OPRM1: variants seen among roughly 807,000 people sequenced by gnomAD.
OPRM1 encodes the protein opioid receptor mu 1.
In OPRM1, 27 loss-of-function variants were observed where a neutral mutation model predicts 31.8. That is an observed-to-expected ratio of 0.85 (90% CI 0.63 to 1.17). The LOEUF (loss-of-function observed/expected upper bound fraction) is 1.17, where lower values mean the gene tolerates loss of function less well. Among genes scored for constraint, OPRM1 ranks in the 50% most tolerant of loss-of-function variants. The pLI, the probability that OPRM1 is intolerant of heterozygous loss-of-function variation, is 0.00. For missense variants in OPRM1, 536 were observed against 511.1 expected, an observed-to-expected ratio of 1.05 and a Z score of -0.47; for synonymous variants, 196 against 189.9, an observed-to-expected ratio of 1.03 and a Z score of -0.26.
intron 3 of OPRM1, chr6:154,110,366 A>G: frequency 6.8e-7 from 1 of 1,462,656 alleles, no homozygotes; most frequent in Non-Finnish European, 9.4e-7. Flanking sequence ...AAATAGATTT[A>G]TTTCAAAAGT....
At chr6:154,159,768 TG>T (rs1798859392) in intron 3 of OPRM1, 5 of 1,336,842 alleles carry the variant, frequency 3.7e-6, no homozygotes, top group Non-Finnish European at 5.3e-6. Flanking sequence ...TGTAAGCTTT[TG>T]CAACATCTTG....
At chr6:154,164,029 A>AAAC (rs759689348) in intron 3 of OPRM1, among the ~76,000 whole-genome samples, 8 of 152,220 alleles carry the variant, frequency 5.3e-5, no homozygotes, top group Admixed American at 3.9e-4. Flanking sequence ...AACTTTTCCA[A>AAAC]AACAACAACA....
chr6:154,179,185 G>A (rs1444847647), intron 3 of OPRM1, among the ~76,000 whole-genome samples: 3 of 152,158 alleles, frequency 2.0e-5, no homozygotes, highest in Non-Finnish European at 4.4e-5. Context: ...AGGTACAAGT[G>A]CAAAAGAAAA....
rs563860667 is a variant in OPRM1, at chr6:154,234,311, G to A, written c.1165-12382G>A. Among the ~76,000 whole-genome samples the A allele has an allele frequency of 1.5e-4, 23 of 152,290 alleles. 3 individuals are homozygous for A. Among genetic ancestry groups the A allele is most frequent in the South Asian group, 6.2e-4 (3 of 4,824 alleles). Reference sequence around the variant, plus strand: ...TCCCAGGGTTCCCCAGAAGGATGAAGCTTTGGTTACCCACAGTCACACCCT... The same window carrying A: ...TCCCAGGGTTCCCCAGAAGGATGAAACTTTGGTTACCCACAGTCACACCCT... On this transcript the variant is annotated intron_variant, in intron 3 of 3. Transcript: ENST00000337049.
At chr6:154,108,511 C>T (rs1004790533) in intron 3 of OPRM1, 2 of 152,718 alleles carry the variant, frequency 1.3e-5, no homozygotes, top group African/African-American at 2.4e-5. Flanking sequence ...TCCAGCAATC[C>T]TATTAGCTCT....
At chr6:154,209,308 C>T (rs528011784) in intron 3 of OPRM1, among the ~76,000 whole-genome samples, 5 of 152,228 alleles carry the variant, frequency 3.3e-5, no homozygotes, top group South Asian at 2.1e-4. Flanking sequence ...TCTAAGTCAT[C>T]GCTAGCCTAT....
chr6:154,221,733 G>A (rs1159164110), intron 3 of OPRM1, among the ~76,000 whole-genome samples: 2 of 152,064 alleles, frequency 1.3e-5, no homozygotes, highest in Non-Finnish European at 2.9e-5. Context: ...AATTAGCCGG[G>A]CATGGTGGCG....
At chr6:154,139,445 C>A (rs984218028) in intron 3 of OPRM1, among the ~76,000 whole-genome samples, 2 of 152,180 alleles carry the variant, frequency 1.3e-5, no homozygotes, top group Non-Finnish European at 2.9e-5. Flanking sequence ...TTTAAAATTT[C>A]TTTCAACCTG....
chr6:154,215,370 A>C (rs1663618596), intron 3 of OPRM1, among the ~76,000 whole-genome samples: 1 of 152,170 alleles, frequency 6.6e-6, no homozygotes, highest in African/African-American at 2.4e-5. Context: ...TCAGGAGGCC[A>C]AGGCAGGTGG....
chr6:154,178,596 T>A (rs1421673472), intron 3 of OPRM1, among the ~76,000 whole-genome samples: 1 of 152,032 alleles, frequency 6.6e-6, no homozygotes, highest in Non-Finnish European at 1.5e-5. Context: ...TAACTAAACT[T>A]TAAAATTAAC....
chr6:154,080,536 C>G (rs188939340), intron 1 of OPRM1, among the ~76,000 whole-genome samples: 1 of 152,226 alleles, frequency 6.6e-6, no homozygotes, highest in Admixed American at 6.5e-5. Flanking sequence ...TTATTTCTGA[C>G]GTAGCCTGCA....
At chr6:154,081,926 T>A (rs1038353429) in intron 1 of OPRM1, among the ~76,000 whole-genome samples, 3 of 152,164 alleles carry the variant, frequency 2.0e-5, no homozygotes, top group African/African-American at 7.2e-5. Flanking sequence ...CCTCTCCCGG[T>A]CTTCTCTTTT....
intron 3 of OPRM1, among the ~76,000 whole-genome samples, chr6:154,138,160 A>C (rs1459677355): frequency 6.6e-6 from 1 of 152,222 alleles, no homozygotes; most frequent in Non-Finnish European, 1.5e-5. Context: ...GCATATTCTT[A>C]AACTCTCTGA....
intron 3 of OPRM1, among the ~76,000 whole-genome samples, chr6:154,195,600 T>A (rs1004367608): frequency 6.6e-6 from 1 of 152,170 alleles, no homozygotes; most frequent in Non-Finnish European, 1.5e-5. Flanking sequence ...CTTCTCCATG[T>A]ACATATCTTG....
rs1797319805 is a variant in OPRM1, at chr6:154,121,910, G to A, written c.*3189G>A. 6.6e-6 allele frequency among the ~76,000 whole-genome samples: 1 copy of A among 152,080 alleles called. No homozygotes were observed. The highest frequency in any genetic ancestry group is 2.1e-4 in the South Asian group (1 of 4,826). On this transcript the variant is annotated 3_prime_UTR_variant, in exon 4 of 4. Coordinates refer to ENST00000330432, the MANE Select transcript of OPRM1 (RefSeq NM_000914.5). ...AATTAAATGTTTTATCTAAATATGT[G>A]GAAATGATAAGATGCGTACTGCATC...
chr6:154,198,631 TACACACAC>T (rs3070838), intron 3 of OPRM1, among the ~76,000 whole-genome samples: 18 of 146,696 alleles, frequency 1.2e-4, no homozygotes, highest in South Asian at 2.2e-4. Context: ...AAATATTACA[TACACACAC>T]ACACACACAC....
chr6:154,100,216 G>GAA, intron 3 of OPRM1, among the ~76,000 whole-genome samples: 2 of 119,412 alleles, frequency 1.7e-5, no homozygotes, highest in Non-Finnish European at 1.6e-5. Flanking sequence ...ATCATATTAT[G>GAA]ACATATCGTA....
chr6:154,241,253 A>AG (rs1554298018), intron 3 of OPRM1, among the ~76,000 whole-genome samples: 4 of 150,662 alleles, frequency 2.7e-5, no homozygotes, highest in African/African-American at 7.3e-5. Context: ...AAAAAAAAAA[A>AG]AGAGAGAGAG....
intron 1 of OPRM1, among the ~76,000 whole-genome samples, chr6:154,060,672 C>T (rs947734089): frequency 6.6e-5 from 10 of 152,014 alleles, no homozygotes; most frequent in African/African-American, 2.4e-4. Context: ...TTTTTTCCCC[C>T]GAAAAATCAG....
Sources: gnomAD v4.1 joint callset for allele counts (sites outside exome capture counted in the v4.1 genomes callset) on GRCh38, gnomAD v4.1.1 for gene constraint, MANE v1.5 for transcripts, NCBI Gene and HGNC (gene_info 2026-07-23, HGNC 2026-07-21) for gene names.